Variants in ATP10B observed in about 807,000 individuals in gnomAD.
ATP10B encodes phospholipid-transporting ATPase VB.
ATP10B carries 122 observed loss-of-function variants against 141.2 expected under a neutral mutation model. That is an observed-to-expected ratio of 0.86 (90% CI 0.75 to 1.00). ATP10B has a LOEUF of 1.00. Among genes scored for constraint, ATP10B ranks in the 50% least tolerant of loss-of-function variants. The pLI is 0.00. For missense variants in ATP10B, 1,876 were observed against 1,825.3 expected, an observed-to-expected ratio of 1.03 and a Z score of -0.51; for synonymous variants, 685 against 692.0, an observed-to-expected ratio of 0.99 and a Z score of 0.16.
rs1046591099 is a variant in ATP10B at position 160,833,205 on chromosome 5, A to G, written c.-576+18736T>C. 6.6e-5 allele frequency among the ~76,000 whole-genome samples: 10 copies of G among 152,204 alleles called. 1 individual carries two copies. Among genetic ancestry groups the G allele is most frequent in the Admixed American group, 6.5e-5 (1 of 15,272 alleles). ...TACCTCAAAAGTTTATGGTTGTGCT[A>G]TAAGAGGAGAGAGCAAGAGAAATCT... On this transcript the variant is annotated intron_variant, in intron 1 of 25. Coordinates refer to ENST00000327245, the MANE Select transcript of ATP10B (RefSeq NM_025153.3).
chr5:160,871,592 T>G, the ATP10B span, among the ~76,000 whole-genome samples: 3 of 152,184 alleles, frequency 2.0e-5, no homozygotes, highest in Admixed American at 6.5e-5. Flanking sequence ...ATAGTTTAGC[T>G]CCCACATATC....
At chr5:160,844,585 G>A (rs571088154) in intron 1 of ATP10B, among the ~76,000 whole-genome samples, 6 of 150,900 alleles carry the variant, frequency 4.0e-5, no homozygotes, top group East Asian at 1.9e-4. Flanking sequence ...TTGGTCTGTC[G>A]CCTAGGCTGG....
chr5:160,653,905 C>T lies in ATP10B; in HGVS notation c.676-4649G>A, dbSNP rs1358647475. Among the ~76,000 whole-genome samples, 20 of 31,604 alleles carry T rather than the reference C, an allele frequency of 6.3e-4. 7 individuals carry two copies. Among genetic ancestry groups the T allele is most frequent in the African/African-American group, 2.6e-3 (19 of 7,214 alleles). The allele number at this position is 31,604 out of a possible 152,430, so 20.7% of individuals were successfully genotyped here. A position where few individuals can be genotyped will look rare whatever the true frequency, so the allele number is the denominator to read the frequency against. On this transcript the variant is annotated intron_variant, in intron 7 of 25. Coordinates refer to ENST00000327245, the MANE Select transcript of ATP10B (RefSeq NM_025153.3). ...CATATATAAATATATGTAGTATATA[C>T]GTATATACATATATAAATATGTTGT...
At position 160,670,587 on chromosome 5, in the gene ATP10B, A is replaced by T; in HGVS notation, c.551T>A (p.Val184Asp). Residue 184 changes from valine (V) to aspartate (D), a missense_variant, in exon 7 of 26, where the codon GTC (valine) becomes GAC (aspartate). Coordinates refer to ENST00000327245, the MANE Select transcript of ATP10B (RefSeq NM_025153.3). Reference sequence around the variant, plus strand: ...AAAAAGGAGGAGTATGTCTGCTGGGACAATCTCATTGCATTTCATTTGGAT... The same window carrying T: ...AAAAAGGAGGAGTATGTCTGCTGGGTCAATCTCATTGCATTTCATTTGGAT... ...DFIQMKCNEIVPADILLLFSS... is the reference protein window; with the variant it reads ...DFIQMKCNEIDPADILLLFSS... 1 of 1,613,976 alleles carries T rather than the reference A, an allele frequency of 6.2e-7. No homozygotes were observed. The highest frequency in any genetic ancestry group is 8.5e-7 in the Non-Finnish European group (1 of 1,179,918).
intron 1 of ATP10B, among the ~76,000 whole-genome samples, chr5:160,800,103 C>T (rs1772276310): frequency 6.6e-6 from 1 of 152,260 alleles, no homozygotes; most frequent in South Asian, 2.1e-4. Context: ...GCAAGAAAGG[C>T]TGTCATTTAT....
chr5:160,773,572 C>A (rs1025372560), intron 2 of ATP10B, among the ~76,000 whole-genome samples: 1 of 152,098 alleles, frequency 6.6e-6, no homozygotes, highest in African/African-American at 2.4e-5. Flanking sequence ...AGCTCCAGAG[C>A]GGCTAATAGC....
chr5:160,704,575 A>G (rs1437631985), intron 3 of ATP10B, among the ~76,000 whole-genome samples: 1 of 152,120 alleles, frequency 6.6e-6, no homozygotes, highest in Non-Finnish European at 1.5e-5. Flanking sequence ...TTCAAGTTAG[A>G]GTCACTAGCT....
chr5:160,655,501 A>C (rs1761431058), intron 7 of ATP10B, among the ~76,000 whole-genome samples: 1 of 152,134 alleles, frequency 6.6e-6, no homozygotes, highest in Non-Finnish European at 1.5e-5. Flanking sequence ...GGCACACCAT[A>C]AAGATGTGTT....
At chr5:160,799,933 A>G (rs1772258483) in intron 1 of ATP10B, among the ~76,000 whole-genome samples, 1 of 152,200 alleles carries the variant, frequency 6.6e-6, no homozygotes, top group Non-Finnish European at 1.5e-5. Context: ...TACCAGTTGT[A>G]ACAAGGAATT....
intron 1 of ATP10B, among the ~76,000 whole-genome samples, chr5:160,831,880 C>A (rs1258432513): frequency 7.2e-5 from 11 of 152,062 alleles, no homozygotes; most frequent in Non-Finnish European, 1.5e-5. Context: ...AGTTAAATTT[C>A]TCACTTTTCT....
chr5:160,672,282 G>A (rs1762760311), intron 6 of ATP10B, among the ~76,000 whole-genome samples: 1 of 151,976 alleles, frequency 6.6e-6, no homozygotes, highest in Non-Finnish European at 1.5e-5. Context: ...TGGCTGCATT[G>A]TATTTTCAAA....
chr5:160,563,381 AG>A lies in ATP10B; in HGVS notation c.*2071del, dbSNP rs1290488736. 6.6e-6 allele frequency: 1 copy of A among 152,194 alleles called. No individual in the cohort carries two copies. Among genetic ancestry groups the A allele is most frequent in the Non-Finnish European group, 1.5e-5 (1 of 68,028 alleles). The allele number at this position is 152,194 out of a possible 1,614,324, so 9.4% of individuals were successfully genotyped here. ...ATTTGGGACTCTGTAAAAATGAGAA[AG>A]TCCCAGGCAAACTGGGACGGTTGGT... On this transcript the variant is annotated 3_prime_UTR_variant, in exon 26 of 26. Coordinates refer to ENST00000327245, the MANE Select transcript of ATP10B (RefSeq NM_025153.3).
intron 24 of ATP10B, among the ~76,000 whole-genome samples, chr5:160,577,630 T>C (rs1202118890): frequency 4.6e-5 from 7 of 152,146 alleles, no homozygotes; most frequent in African/African-American, 1.7e-4. Flanking sequence ...CTAGTATTTT[T>C]ATAGACATTG....
intron 24 of ATP10B, among the ~76,000 whole-genome samples, chr5:160,576,205 T>C (rs1472188955): frequency 1.3e-5 from 2 of 152,228 alleles, no homozygotes; most frequent in East Asian, 3.9e-4. Flanking sequence ...GTGTCTGCTC[T>C]GGATTGTGTA....
chr5:160,764,238 G>A (rs1581486860), intron 2 of ATP10B, among the ~76,000 whole-genome samples: 1 of 145,278 alleles, frequency 6.9e-6, no homozygotes, highest in African/African-American at 2.5e-5. Flanking sequence ...CCCAAAACTA[G>A]GAAAGGACAT....
intron 1 of ATP10B, among the ~76,000 whole-genome samples, chr5:160,805,308 T>A (rs1366241719): frequency 6.6e-6 from 1 of 152,230 alleles, no homozygotes; most frequent in South Asian, 2.1e-4. Context: ...TAATAATGTG[T>A]GTCTCCTGCA....
chr5:160,829,681 T>G (rs1774925060), intron 1 of ATP10B, among the ~76,000 whole-genome samples: 1 of 152,122 alleles, frequency 6.6e-6, no homozygotes, highest in Non-Finnish European at 1.5e-5. Context: ...ATCTCATTCG[T>G]TAGCTGGATT....
At chr5:160,693,467 C>T (rs1195598864) in intron 3 of ATP10B, among the ~76,000 whole-genome samples, 1 of 140,778 alleles carries the variant, frequency 7.1e-6, no homozygotes, top group Non-Finnish European at 1.5e-5. Context: ...GTGGTATAGT[C>T]AGGGAAGGGC....
chr5:160,780,431 G>A (rs1276756863), intron 2 of ATP10B, among the ~76,000 whole-genome samples: 1 of 152,144 alleles, frequency 6.6e-6, no homozygotes, highest in East Asian at 1.9e-4. Context: ...AATGCAGGCA[G>A]TTGAGATTAA....
Sources: gnomAD v4.1 joint callset for allele counts (sites outside exome capture counted in the v4.1 genomes callset) on GRCh38, gnomAD v4.1.1 for gene constraint, MANE v1.5 for transcripts, NCBI Gene and HGNC (gene_info 2026-07-23, HGNC 2026-07-21) for gene names.